RAB11FIP5: variants seen among roughly 807,000 people sequenced by gnomAD.
RAB11FIP5 encodes the protein rab11 family-interacting protein 5.
In RAB11FIP5, 48 loss-of-function variants were observed where a neutral mutation model predicts 85.1. That is an observed-to-expected ratio of 0.56 (90% CI 0.45 to 0.72). The LOEUF (loss-of-function observed/expected upper bound fraction) is 0.72. Among genes scored for constraint, RAB11FIP5 ranks in the 30% least tolerant of loss-of-function variants. The probability of loss-of-function intolerance (pLI) is 0.00; values close to 1 mark genes in which losing one functional copy is unlikely to be tolerated. For missense variants in RAB11FIP5, 1,491 were observed against 1,687.0 expected (o/e 0.88, Z 2.04); for synonymous variants, 729 against 727.3 (o/e 1.00, Z -0.04).
rs1864488 is a variant in RAB11FIP5 at position 73,112,580 on chromosome 2, G to A, written c.198C>T (p.Cys66=). 1,063,394 of 1,593,606 alleles carry A rather than the reference G, an allele frequency of 0.67. 362,436 individuals are homozygous for A. Among genetic ancestry groups the A allele is most frequent in the Middle Eastern group, 0.74 (4,465 of 6,004 alleles). ...AGGAGCACTCCTCACGCCACTCGGG[G>A]CAGCCGTGCGTCTTCTCCACCACCG... ...STSVVEKTHG[C]PEWREECSFE... Residue 66 remains cysteine (C), a synonymous_variant, in exon 1 of 6, where the codon TGC becomes TGT. Transcript: ENST00000486777.
chr2:73,105,078 G>A (rs1394902059), intron 1 of RAB11FIP5, among the ~76,000 whole-genome samples: 2 of 152,194 alleles, frequency 1.3e-5, no homozygotes, highest in African/African-American at 2.4e-5. Context: ...ATGGCTTGGA[G>A]TGTTCTGTCA....
chr2:73,101,817 C>T (rs550029041), intron 1 of RAB11FIP5, among the ~76,000 whole-genome samples: 18 of 152,340 alleles, frequency 1.2e-4, no homozygotes, highest in African/African-American at 4.1e-4. Flanking sequence ...CTGACACCCA[C>T]CACCCCTTAA....
In RAB11FIP5 at chr2:73,079,632, T is replaced by G; in HGVS notation, c.3581+19A>C. ...CCACCCCCTTCCTCCTGGACAGTGTTCTGGGGGTGGATGCTCACCTGGCAC... is the reference window on the plus strand; with the variant it reads ...CCACCCCCTTCCTCCTGGACAGTGTGCTGGGGGTGGATGCTCACCTGGCAC... On this transcript the variant is annotated intron_variant, in intron 4 of 5. Transcript: ENST00000486777. 1 of 1,232,814 alleles carries G rather than the reference T, an allele frequency of 8.1e-7. No individual in the cohort carries two copies. The allele number at this position is 1,232,814 out of a possible 1,614,324, so 76.4% of individuals were successfully genotyped here.
chr2:73,112,384 C>T lies in RAB11FIP5; in HGVS notation c.394G>A (p.Asp132Asn), dbSNP rs1280298702. 6.2e-7 allele frequency: 1 copy of T among 1,600,738 alleles called. No homozygotes were observed. The highest frequency in any genetic ancestry group is 8.5e-7 in the Non-Finnish European group (1 of 1,176,708). Residue 132 changes from aspartate (D) to asparagine (N), a missense_variant, in exon 1 of 6, where the codon GAC (aspartate) becomes AAC (asparagine). By Grantham distance (23) the Asp-to-Asn change is conservative. Coordinates refer to ENST00000486777, the MANE Select transcript of RAB11FIP5 (RefSeq NM_001371272.1). ...GCGCGGCCTGCGCCGAAGACCTCGTCCAGCGCCACCGTGGCCTGGCCCAGG... is the reference window on the plus strand; with the variant it reads ...GCGCGGCCTGCGCCGAAGACCTCGTTCAGCGCCACCGTGGCCTGGCCCAGG... ...KFLGQATVAL[D>N]EVFGAGRAQH...
At chr2:73,093,630 C>T (rs1459273053) in intron 1 of RAB11FIP5, among the ~76,000 whole-genome samples, 4 of 152,240 alleles carry the variant, frequency 2.6e-5, no homozygotes, top group Non-Finnish European at 5.9e-5. Flanking sequence ...CCTCAGCCTC[C>T]GCTTCCTTGG....
chr2:73,100,883 C>CA (rs1466469537), intron 1 of RAB11FIP5, among the ~76,000 whole-genome samples: 14 of 152,142 alleles, frequency 9.2e-5, no homozygotes, highest in Non-Finnish European at 1.9e-4. Flanking sequence ...CAGCTCACTG[C>CA]AACCTACGCC....
Position 73,080,555 on chromosome 2 carries a change from T to G in RAB11FIP5, c.2677A>C (p.Lys893Gln), listed in dbSNP as rs1357204984. 8.1e-7 allele frequency: 1 copy of G among 1,232,334 alleles called. No homozygotes were observed. The highest frequency in any genetic ancestry group is 1.0e-6 in the Non-Finnish European group (1 of 988,104). The allele number at this position is 1,232,334 out of a possible 1,614,324, so 76.3% of individuals were successfully genotyped here. ...PEPKPEWVSD[K>Q]GLQPSTPPPK... ...GGTGGGGTGCTGGGCTGCAGCCCCT[T>G]GTCAGACACCCACTCGGGTTTAGGC... The change falls in exon 4 of 6, where the codon AAG becomes CAG. Residue 893 changes from lysine (K) to glutamine (Q), a missense_variant. Lys to Gln is a moderately conservative substitution (Grantham distance 53, BLOSUM62 1). This residue lies in a region of RAB11FIP5 where 1,211 missense variants were observed against 1,338.0 expected (regional missense o/e 0.91). Transcript: ENST00000486777.
In RAB11FIP5 at chr2:73,112,909, G is replaced by A. The variant is rs1684700081; in HGVS notation, c.-132C>T. On this transcript the variant is annotated 5_prime_UTR_variant, in exon 1 of 6. Transcript: ENST00000486777. ...CCGCAGCTGCGGGCTGGGCTGGGCC[G>A]GGCCGACCGGCCGCCGCCTCCCCGC... The A allele has an allele frequency of 2.4e-6, 2 of 836,890 alleles. No homozygotes were observed. The highest frequency in any genetic ancestry group is 4.6e-5 in the Admixed American group (1 of 21,814). 51.8% of individuals were successfully genotyped at this position (836,890 alleles called of 1,614,324 possible). A position where few individuals can be genotyped will look rare whatever the true frequency, so the allele number is the denominator to read the frequency against.
chr2:73,110,055 ATC>A (rs1684608568), intron 1 of RAB11FIP5, among the ~76,000 whole-genome samples: 1 of 152,198 alleles, frequency 6.6e-6, no homozygotes, highest in Non-Finnish European at 1.5e-5. Context: ...TGGGACTGGG[ATC>A]TGTCCAGTGC....
chr2:73,112,372 C>A lies in RAB11FIP5; in HGVS notation c.406G>T (p.Gly136Cys). 1 of 1,599,226 alleles carries A rather than the reference C, an allele frequency of 6.3e-7. No individual in the cohort carries two copies. Among genetic ancestry groups the A allele is most frequent in the South Asian group, 1.1e-5 (1 of 90,484 alleles). Residue 136 changes from glycine (G) to cysteine (C), a missense_variant, in exon 1 of 6, where the codon GGC becomes TGC. Around this residue, in one of 3 missense-constraint regions of RAB11FIP5, gnomAD observed 1,211 missense variants for 1,338.0 expected, o/e 0.91. Coordinates refer to ENST00000486777, the MANE Select transcript of RAB11FIP5 (RefSeq NM_001371272.1). ...TGCGTGTGCTGGGCGCGGCCTGCGC[C>A]GAAGACCTCGTCCAGCGCCACCGTG... is the stretch of plus-strand genomic sequence containing the variant. ...QATVALDEVF[G>C]AGRAQHTQWY...
intron 3 of RAB11FIP5, among the ~76,000 whole-genome samples, chr2:73,084,761 C>A (rs551833995): frequency 6.6e-6 from 1 of 152,226 alleles, no homozygotes; most frequent in African/African-American, 2.4e-5. Flanking sequence ...TTTCCACACA[C>A]TGGTCCCAGA....
chr2:73,075,025 C>G lies in RAB11FIP5; in HGVS notation c.*496G>C. On this transcript the variant is annotated 3_prime_UTR_variant, in exon 6 of 6. Transcript: ENST00000486777. This position sits in a 1 kb window ranked among gnomAD's most constrained non-coding sequence, Gnocchi z 4.6. The stretch of plus-strand genomic sequence containing the variant: ...TGTGAGGCTGAAGAGGCTGGTTGCC[C>G]GTAACTCACAGACAAACAGGCAGCG... 2.8e-6 allele frequency: 1 copy of G among 357,550 alleles called. No individual in the cohort carries two copies. The highest frequency in any genetic ancestry group is 5.5e-6 in the Non-Finnish European group (1 of 181,606). The allele number at this position is 357,550 out of a possible 1,614,324, so 22.1% of individuals were successfully genotyped here.
At chr2:73,105,872 C>T (rs1684515330) in intron 1 of RAB11FIP5, among the ~76,000 whole-genome samples, 1 of 152,122 alleles carries the variant, frequency 6.6e-6, no homozygotes, top group Admixed American at 6.6e-5. Flanking sequence ...GGAAGCCAGA[C>T]TGCCTGGGTT....
In RAB11FIP5 at chr2:73,098,064, A is replaced by T. The variant is rs1008460849; in HGVS notation, c.432-8749T>A. Among the ~76,000 whole-genome samples the T allele has an allele frequency of 2.6e-5, 4 of 152,210 alleles. No homozygotes were observed. In the East Asian group the frequency reaches 7.7e-4, roughly 29 times the overall value. On this transcript the variant is annotated intron_variant, in intron 1 of 5. Coordinates refer to ENST00000486777, the MANE Select transcript of RAB11FIP5 (RefSeq NM_001371272.1). ...GGTTGATATGGGAGGCAGACTCTGG[A>T]AGTGGCTAAGAGCATGGACTTCGGT... is the stretch of plus-strand genomic sequence containing the variant.
rs1167935014 is a variant in RAB11FIP5 at position 73,078,088 on chromosome 2, G to A, written c.3581+1563C>T. Among the ~76,000 whole-genome samples the A allele has an allele frequency of 6.6e-6, 1 of 152,230 alleles. No homozygotes were observed. Among genetic ancestry groups the A allele is most frequent in the African/African-American group, 2.4e-5 (1 of 41,460 alleles). On this transcript the variant is annotated intron_variant, in intron 4 of 5. Coordinates refer to ENST00000486777, the MANE Select transcript of RAB11FIP5 (RefSeq NM_001371272.1). The surrounding 1 kb of genome is among the most constrained non-coding windows in gnomAD (Gnocchi z 4.4). ...GTCCTTTCCTGACACCTAGGAGCCT[G>A]TGCTAGGGATGGGGTATAAAAGCAG...
rs550661845 is a variant in RAB11FIP5 at position 73,077,199 on chromosome 2, C to T, written c.3582-1017G>A. Among the ~76,000 whole-genome samples the T allele has an allele frequency of 9.9e-4, 151 of 152,324 alleles. 1 individual carries two copies. Among genetic ancestry groups the T allele is most frequent in the Non-Finnish European group, 1.8e-3 (125 of 68,024 alleles). ...GCTTGCTGCTCCCTGGGTTACCCCT[C>T]AGGTGCATCCCACTCCCCGCCACAC... On this transcript the variant is annotated intron_variant, in intron 4 of 5. Coordinates refer to ENST00000486777, the MANE Select transcript of RAB11FIP5 (RefSeq NM_001371272.1).
chr2:73,101,029 G>A (rs887797735), intron 1 of RAB11FIP5, among the ~76,000 whole-genome samples: 4 of 143,304 alleles, frequency 2.8e-5, no homozygotes, highest in African/African-American at 1.0e-4. Flanking sequence ...TGGGAGAAAG[G>A]TTGGTGGTGG....
Position 73,081,736 on chromosome 2 carries a change from C to A in RAB11FIP5, c.1569-73G>T. On this transcript the variant is annotated intron_variant, in intron 3 of 5. Coordinates refer to ENST00000486777, the MANE Select transcript of RAB11FIP5 (RefSeq NM_001371272.1). This position sits in a 1 kb window ranked among gnomAD's most constrained non-coding sequence, Gnocchi z 4.2. ...GGAAAGGCCCCTGAGTCCCACGCCC[C>A]ACCCCCTGCTTCGGGACCAGGGGCC... The A allele has an allele frequency of 8.4e-7, 1 of 1,193,888 alleles. No homozygotes were observed. The highest frequency in any genetic ancestry group is 4.3e-5 in the South Asian group (1 of 23,364). 74.0% of individuals were successfully genotyped at this position (1,193,888 alleles called of 1,614,324 possible).
At position 73,081,339 on chromosome 2, in the gene RAB11FIP5, C is replaced by T. The variant is rs1683979661; in HGVS notation, c.1893G>A (p.Ser631=). Residue 631 remains serine, a synonymous_variant, in exon 4 of 6, where the codon TCG becomes TCA. Transcript: ENST00000486777. The surrounding 1 kb of genome is among the most constrained non-coding windows in gnomAD (Gnocchi z 4.2). The part of the protein sequence containing the change: ...PSPAPSLPSA[S]RASPTPLASP... ...AGGCCAGGGGGGTGGGGCTGGCCCT[C>T]GAGGCACTGGGGAGAGAGGGAGCAG... 14 of 1,232,638 alleles carry T rather than the reference C, an allele frequency of 1.1e-5. No individual in the cohort carries two copies. The highest frequency in any genetic ancestry group is 8.4e-5 in the Admixed American group (2 of 23,704). The allele number at this position is 1,232,638 out of a possible 1,614,324, so 76.4% of individuals were successfully genotyped here.
Sources: gnomAD v4.1 joint callset for allele counts (sites outside exome capture counted in the v4.1 genomes callset) on GRCh38, gnomAD v4.1.1 for gene constraint, gnomAD v4.1.1 regional missense constraint, Gnocchi (gnomAD v3.1) non-coding constraint, MANE v1.5 for transcripts, NCBI Gene and HGNC (gene_info 2026-07-23, HGNC 2026-07-21) for gene names.